Variants in CSRNP3 observed in about 807,000 individuals in gnomAD.
The protein encoded by CSRNP3 is cysteine and serine rich nuclear protein 3.
A neutral mutation model predicts 48.0 loss-of-function variants in CSRNP3; 12 were observed. The ratio of observed to expected loss-of-function variants is 0.25; its 90% CI spans 0.16 to 0.41. CSRNP3 has a LOEUF of 0.41. CSRNP3 is among the 10% of genes least tolerant of loss of function. The pLI, the probability that CSRNP3 is intolerant of heterozygous loss-of-function variation, is 1.00. For synonymous variants in CSRNP3, 263 were observed against 269.7 expected, an observed-to-expected ratio of 0.98 and a Z score of 0.24; for missense variants, 580 against 724.4, an observed-to-expected ratio of 0.80 and a Z score of 2.29.
intron 4 of CSRNP3, among the ~76,000 whole-genome samples, chr2:165,628,527 C>T (rs1479510079): frequency 6.6e-6 from 1 of 151,958 alleles, no homozygotes; most frequent in Non-Finnish European, 1.5e-5. Flanking sequence ...AGTTCAAGAC[C>T]AGCCTGGCCA....
chr2:165,623,425 C>A (rs1395597880), intron 4 of CSRNP3, among the ~76,000 whole-genome samples: 3 of 152,148 alleles, frequency 2.0e-5, no homozygotes, highest in Non-Finnish European at 2.9e-5. Context: ...ACGTAATGCA[C>A]TTGAATTATC....
intron 1 of CSRNP3, among the ~76,000 whole-genome samples, chr2:165,493,750 A>G (rs1157586444): frequency 6.6e-6 from 1 of 152,104 alleles, no homozygotes; most frequent in East Asian, 1.9e-4. Flanking sequence ...TCCTTGAATA[A>G]GAGGTCATTT....
chr2:165,474,146 ATTATT>A (rs1460059708), intron 1 of CSRNP3, among the ~76,000 whole-genome samples: 1 of 152,180 alleles, frequency 6.6e-6, no homozygotes, highest in East Asian at 1.9e-4. Context: ...TAAAAATGAC[ATTATT>A]TTAAACAAAA....
chr2:165,472,477 A>G (rs945002719), intron 1 of CSRNP3, among the ~76,000 whole-genome samples: 1 of 151,992 alleles, frequency 6.6e-6, no homozygotes, highest in African/African-American at 2.4e-5. Context: ...ACTTTTATGT[A>G]GCTTTTCTCT....
At chr2:165,676,150 T>C (rs777342) in intron 5 of CSRNP3, among the ~76,000 whole-genome samples, 162 bp from the exon 6 acceptor site, 103,215 of 151,974 alleles carry the variant, frequency 0.68, 36,146 homozygotes, top group South Asian at 0.78. Context: ...CCTTTATTTT[T>C]CTTTCTGTGA....
rs10645178 is a variant in CSRNP3 at position 165,665,775 on chromosome 2, AAGAG to A, written c.408+7779_408+7782del. Among the ~76,000 whole-genome samples the A allele has an allele frequency of 6.3e-3, 830 of 131,278 alleles. 8 individuals carry two copies. Among genetic ancestry groups the A allele is most frequent in the South Asian group, 0.02 (76 of 3,782 alleles). 86.1% of individuals were successfully genotyped at this position (131,278 alleles called of 152,430 possible). A position where few individuals can be genotyped will look rare whatever the true frequency, so the allele number is the denominator to read the frequency against. The stretch of plus-strand genomic sequence containing the variant: ...GAGTGAGATTCTGGGAAAAGAAAGA[AAGAG>A]AGAGAGAGAGAGAGAGAGAGAGAAA... On this transcript the variant is annotated intron_variant, in intron 5 of 6. Coordinates refer to ENST00000651982, the MANE Select transcript of CSRNP3 (RefSeq NM_001172173.2).
chr2:165,571,065 T>C (rs890858293), intron 3 of CSRNP3, among the ~76,000 whole-genome samples: 2 of 151,952 alleles, frequency 1.3e-5, no homozygotes, highest in African/African-American at 4.8e-5. Context: ...AGTTATAATA[T>C]TTTTTGCCCC....
chr2:165,654,178 G>A (rs1244527628), intron 4 of CSRNP3, among the ~76,000 whole-genome samples: 1 of 152,112 alleles, frequency 6.6e-6, no homozygotes, highest in Non-Finnish European at 1.5e-5. Flanking sequence ...CTAGCCTGCT[G>A]TAAGGGGTAA....
chr2:165,683,705 AG>A lies in CSRNP3; in HGVS notation c.*3956del. On this transcript the variant is annotated 3_prime_UTR_variant, in exon 7 of 7. Transcript: ENST00000651982. ...AACAACTGTCTTGGGTAGTAAAAAGAGGGGAACACTACAAATTATAATGGAT... is the reference window on the plus strand; with the variant it reads ...AACAACTGTCTTGGGTAGTAAAAAGAGGGAACACTACAAATTATAATGGAT... 1 of 152,208 alleles carries A rather than the reference AG, an allele frequency of 6.6e-6. No homozygotes were observed. The highest frequency in any genetic ancestry group is 2.4e-5 in the African/African-American group (1 of 41,564). 9.4% of individuals were successfully genotyped at this position (152,208 alleles called of 1,614,324 possible). A position where few individuals can be genotyped will look rare whatever the true frequency, so the allele number is the denominator to read the frequency against.
At chr2:165,636,519 G>A (rs1054956029) in intron 4 of CSRNP3, among the ~76,000 whole-genome samples, 3 of 152,080 alleles carry the variant, frequency 2.0e-5, no homozygotes, top group Admixed American at 6.5e-5. Context: ...CTCCCATTAA[G>A]TTCTCATAAC....
rs904407890 is a variant in CSRNP3 at position 165,687,076 on chromosome 2, C to G, written c.*7323C>G. ...AGGTTTTCTCACAATAAGAAAATATCTTGGCCAGTCTTTGAGGGTTAGGCA... is the reference window on the plus strand; with the variant it reads ...AGGTTTTCTCACAATAAGAAAATATGTTGGCCAGTCTTTGAGGGTTAGGCA... On this transcript the variant is annotated 3_prime_UTR_variant, in exon 7 of 7. Coordinates refer to ENST00000651982, the MANE Select transcript of CSRNP3 (RefSeq NM_001172173.2). 1 of 152,072 alleles carries G rather than the reference C, an allele frequency of 6.6e-6. No individual in the cohort carries two copies. Among genetic ancestry groups the G allele is most frequent in the Non-Finnish European group, 1.5e-5 (1 of 68,006 alleles). The allele number at this position is 152,072 out of a possible 1,614,324, so 9.4% of individuals were successfully genotyped here.
In CSRNP3 at chr2:165,681,855, G is replaced by T. The variant is rs1266272587; in HGVS notation, c.*2102G>T. The T allele has an allele frequency of 6.8e-6, 1 of 147,156 alleles. No individual in the cohort carries two copies. The highest frequency in any genetic ancestry group is 1.5e-5 in the Non-Finnish European group (1 of 67,192). The allele number at this position is 147,156 out of a possible 1,614,324, so 9.1% of individuals were successfully genotyped here. On this transcript the variant is annotated 3_prime_UTR_variant, in exon 7 of 7. Transcript: ENST00000651982. ...TATATATATATATCCCATGTTGTCT[G>T]CAAAGTGACAGTTTTTAGTGCTTAA...
chr2:165,600,855 A>G (rs979648516), intron 4 of CSRNP3, among the ~76,000 whole-genome samples: 75 of 152,338 alleles, frequency 4.9e-4, no homozygotes, highest in African/African-American at 1.7e-3. Context: ...GCACTAACAT[A>G]TTGTGTAACA....
In CSRNP3 at chr2:165,683,159, T is replaced by TGA. The variant is rs1687574569; in HGVS notation, c.*3406_*3407insGA. On this transcript the variant is annotated 3_prime_UTR_variant, in exon 7 of 7. Coordinates refer to ENST00000651982, the MANE Select transcript of CSRNP3 (RefSeq NM_001172173.2). ...TCCTCCTTATCTCTTGATCATTAAT[T>TGA]ATTAAGACATGGGTAAAATTCATTT... 1 of 152,162 alleles carries TGA rather than the reference T, an allele frequency of 6.6e-6. No individual in the cohort carries two copies. The allele number at this position is 152,162 out of a possible 1,614,324, so 9.4% of individuals were successfully genotyped here.
chr2:165,674,346 G>GT (rs1353079592), intron 5 of CSRNP3, among the ~76,000 whole-genome samples: 1 of 151,928 alleles, frequency 6.6e-6, no homozygotes, highest in African/African-American at 2.4e-5. Flanking sequence ...AGGATCGAGT[G>GT]TATGTTAGGC....
chr2:165,475,642 A>G (rs1683951199), intron 1 of CSRNP3, among the ~76,000 whole-genome samples: 1 of 152,328 alleles, frequency 6.6e-6, no homozygotes, highest in South Asian at 2.1e-4. Context: ...CGATTGAATA[A>G]TTAAGCAAAT....
chr2:165,480,258 C>A (rs553216685), intron 1 of CSRNP3, among the ~76,000 whole-genome samples: 1 of 152,166 alleles, frequency 6.6e-6, no homozygotes, highest in African/African-American at 2.4e-5. Flanking sequence ...GTCAAGCCCA[C>A]CCGCATAATC....
chr2:165,553,928 C>G (rs1685130823), intron 3 of CSRNP3, among the ~76,000 whole-genome samples: 1 of 152,152 alleles, frequency 6.6e-6, no homozygotes, highest in South Asian at 2.1e-4. Context: ...CATCTACTGC[C>G]CCATTTCTTA....
intron 4 of CSRNP3, among the ~76,000 whole-genome samples, chr2:165,647,564 G>A (rs1024134779): frequency 6.6e-6 from 1 of 152,148 alleles, no homozygotes; most frequent in Non-Finnish European, 1.5e-5. Context: ...TCTTTAAAAT[G>A]GTTCTCAACA....
Sources: allele counts gnomAD v4.1 joint callset (sites outside exome capture counted in the v4.1 genomes callset), GRCh38; gene constraint gnomAD v4.1.1; transcripts MANE v1.5; gene names NCBI Gene and HGNC (gene_info 2026-07-23, HGNC 2026-07-21).